MACF1: variants seen among roughly 807,000 people sequenced by gnomAD.
MACF1 encodes microtubule-actin cross-linking factor 1.
A neutral mutation model predicts 854.8 loss-of-function variants in MACF1; 193 were observed. That is an observed-to-expected ratio of 0.23 (90% CI 0.20 to 0.25). The LOEUF (loss-of-function observed/expected upper bound fraction) is 0.25, where lower values mean the gene tolerates loss of function less well. MACF1 is among the 10% of genes least tolerant of loss of function. The pLI is 1.00. For missense variants in MACF1, 7,722 were observed against 8,929.1 expected (o/e 0.86, Z 5.45); for synonymous variants, 3,185 against 3,226.7 (o/e 0.99, Z 0.44).
At chr1:39,363,597 TTTCTTTC>T (rs1329356448) in intron 49 of MACF1, among the ~76,000 whole-genome samples, 1 of 142,350 alleles carries the variant, frequency 7.0e-6, no homozygotes, top group African/African-American at 2.9e-5. Flanking sequence ...TCTTTCTTTC[TTTCTTTC>T]TTTTTTTTTT....
chr1:39,437,420 C>G (rs1450365687), intron 70 of MACF1, among the ~76,000 whole-genome samples: 1 of 151,980 alleles, frequency 6.6e-6, no homozygotes, highest in Non-Finnish European at 1.5e-5. Context: ...AAGTGATTGT[C>G]ATGCCTCAGC....
At chr1:39,478,593 A>C (rs1162411754) in intron 97 of MACF1, among the ~76,000 whole-genome samples, 1 of 152,150 alleles carries the variant, frequency 6.6e-6, no homozygotes, top group Non-Finnish European at 1.5e-5. Context: ...ATTGAGAAGA[A>C]TTTGGATTTG....
At chr1:39,483,733 C>G (rs1460992174) in intron 99 of MACF1, among the ~76,000 whole-genome samples, 1 of 152,218 alleles carries the variant, frequency 6.6e-6, no homozygotes, top group Non-Finnish European at 1.5e-5. Context: ...TTCCTGATGT[C>G]TCAGTCCCAC....
intron 2 of MACF1, among the ~76,000 whole-genome samples, chr1:39,248,610 T>C (rs542483195): frequency 1.3e-5 from 2 of 152,330 alleles, no homozygotes; most frequent in African/African-American, 4.8e-5. Flanking sequence ...CTCAAAATTA[T>C]AGTAACTAAA....
intron 52 of MACF1, among the ~76,000 whole-genome samples, chr1:39,375,409 C>T (rs1368022407): frequency 6.6e-6 from 1 of 151,870 alleles, no homozygotes; most frequent in Non-Finnish European, 1.5e-5. Context: ...TCATGCCATT[C>T]TCCTGCCTCA....
intron 89 of MACF1, chr1:39,457,857 T>G (rs1644470561): frequency 6.5e-6 from 1 of 152,872 alleles, no homozygotes; most frequent in Non-Finnish European, 1.5e-5. Context: ...CTGGGTAATT[T>G]ATAAAGAAAA....
chr1:39,197,560 G>A (rs147299904), intron 2 of MACF1, among the ~76,000 whole-genome samples: 109 of 152,236 alleles, frequency 7.2e-4, no homozygotes, highest in African/African-American at 2.6e-3. Context: ...TTTCACTTTG[G>A]GAAACGAAAA....
intron 2 of MACF1, among the ~76,000 whole-genome samples, chr1:39,179,739 G>T (rs1644079503): frequency 6.6e-6 from 1 of 152,140 alleles, no homozygotes; most frequent in African/African-American, 2.4e-5. Context: ...ATGCTGCCAG[G>T]CGCGGTGGCT....
At chr1:39,364,516 G>A (rs1488789324) in intron 49 of MACF1, among the ~76,000 whole-genome samples, 3 of 148,876 alleles carry the variant, frequency 2.0e-5, no homozygotes, top group African/African-American at 7.4e-5. Flanking sequence ...TTTTTGAGAC[G>A]GAGTCTCGCT....
In MACF1 at chr1:39,174,686, G is replaced by A. The variant is rs537055643; in HGVS notation, c.221-56496G>A. Among the ~76,000 whole-genome samples the A allele has an allele frequency of 2.6e-5, 4 of 152,326 alleles. No individual in the cohort carries two copies. The South Asian group carries it at 8.3e-4, about 32-fold the overall frequency. ...AAAGCAAGGGCGAGGGTTGGGTTGT[G>A]TACTTTCGTAGTCTTTGTCTGAGAG... On this transcript the variant is annotated intron_variant, in intron 2 of 93. Transcript: ENST00000361689.
At chr1:39,274,776 G>T (rs1219186179) in intron 6 of MACF1, among the ~76,000 whole-genome samples, 5 of 152,282 alleles carry the variant, frequency 3.3e-5, no homozygotes, top group Admixed American at 2.6e-4. Flanking sequence ...CTTGGAACAG[G>T]TTACTAAACT....
Position 39,332,217 on chromosome 1 carries a change from C to T in MACF1, c.5629C>T (p.His1877Tyr), listed in dbSNP as rs1646740352. The T allele has an allele frequency of 2.5e-6, 4 of 1,614,078 alleles. No homozygotes were observed. Among genetic ancestry groups the T allele is most frequent in the Non-Finnish European group, 1.7e-6 (2 of 1,180,032 alleles). The change falls in exon 37 of 101, where the codon CAT becomes TAT. Residue 1877 changes from histidine to tyrosine, a missense_variant. Transcript: ENST00000564288. ...EQGIVSTELA[H>Y]KILSNRQHIK... ...AGGTATTGTGTCTACTGAACTAGCACATAAAATCCTTAGTAACCGACAGCA... is the reference window on the plus strand; with the variant it reads ...AGGTATTGTGTCTACTGAACTAGCATATAAAATCCTTAGTAACCGACAGCA...
intron 58 of MACF1, among the ~76,000 whole-genome samples, chr1:39,389,500 C>T (rs1408210535): frequency 6.6e-6 from 1 of 151,738 alleles, no homozygotes; most frequent in Non-Finnish European, 1.5e-5. Flanking sequence ...GCTGGGGTTA[C>T]AGTCGCTCAC....
At chr1:39,316,016 A>C (rs887053587) in intron 27 of MACF1, among the ~76,000 whole-genome samples, 2 of 152,176 alleles carry the variant, frequency 1.3e-5, no homozygotes, top group African/African-American at 4.8e-5. Flanking sequence ...ATAAAAAGAA[A>C]AGTTTTTAGT....
rs987917748 is a variant in MACF1 at position 39,484,698 on chromosome 1, C to T, written c.22379C>T (p.Pro7460Leu). 1.1e-5 allele frequency: 18 copies of T among 1,613,970 alleles called. No homozygotes were observed. The highest frequency in any genetic ancestry group is 4.4e-5 in the South Asian group (4 of 91,070). Residue 7460 changes from proline to leucine, a missense_variant, in exon 100 of 101, where the codon CCG becomes CTG. Physicochemically the swap from Pro to Leu is moderately conservative, Grantham distance 98. Transcript: ENST00000564288. ...LAGDTSNSSS[P>L]ASTGAKTNRA... ...GGTGATACCAGCAATAGTTCTTCCC[C>T]GGCCTCCACAGGTGCCAAAACTAAT...
At chr1:39,380,214 T>TCATGGCATG in intron 54 of MACF1, 30 bp from the exon 55 acceptor site, 2 of 1,606,574 alleles carry the variant, frequency 1.2e-6, no homozygotes, top group Non-Finnish European at 8.5e-7. Flanking sequence ...GTCCAGAATC[T>TCATGGCATG]CATGGCATGC....
At position 39,460,574 on chromosome 1, in the gene MACF1, G is replaced by A. The variant is rs1237426600; in HGVS notation, c.21361-58G>A. The A allele has an allele frequency of 1.3e-6, 2 of 1,507,118 alleles. No homozygotes were observed. Among genetic ancestry groups the A allele is most frequent in the African/African-American group, 2.7e-5 (2 of 72,804 alleles). The allele number at this position is 1,507,118 out of a possible 1,614,324, so 93.4% of individuals were successfully genotyped here. ...ATGTCTGAAAGTTTGGGTATGCTCTGGGCAGCTTTTGAGGGCCCAAAAAAT... is the reference window on the plus strand; with the variant it reads ...ATGTCTGAAAGTTTGGGTATGCTCTAGGCAGCTTTTGAGGGCCCAAAAAAT... On this transcript the variant is annotated intron_variant, in intron 91 of 100. Coordinates refer to ENST00000564288, the MANE Select transcript of MACF1 (RefSeq NM_001394062.1). The surrounding 1 kb of genome is among the most constrained non-coding windows in gnomAD (Gnocchi z 4.1).
intron 58 of MACF1, among the ~76,000 whole-genome samples, chr1:39,422,126 G>GA (rs1020969148): frequency 7.2e-5 from 11 of 152,136 alleles, no homozygotes; most frequent in African/African-American, 2.2e-4. Flanking sequence ...AAGAACAAAG[G>GA]AAAGAGTCAT....
chr1:39,096,873 TC>T (rs1641950712), intron 2 of MACF1, among the ~76,000 whole-genome samples: 1 of 143,326 alleles, frequency 7.0e-6, no homozygotes, highest in African/African-American at 2.5e-5. Flanking sequence ...CATGAGGGAT[TC>T]CTTTTTTTTT....
Sources: allele counts gnomAD v4.1 joint callset (sites outside exome capture counted in the v4.1 genomes callset), GRCh38; gene constraint gnomAD v4.1.1; non-coding constraint Gnocchi (gnomAD v3.1); transcripts MANE v1.5; gene names NCBI Gene and HGNC (gene_info 2026-07-23, HGNC 2026-07-21).